CCDC85A: variants seen among roughly 807,000 people sequenced by gnomAD.
The protein encoded by CCDC85A is coiled-coil domain-containing protein 85A.
A neutral mutation model predicts 50.2 loss-of-function variants in CCDC85A; 38 were observed. The ratio of observed to expected loss-of-function variants is 0.76; its 90% confidence interval spans 0.58 to 0.99. The LOEUF (loss-of-function observed/expected upper bound fraction) is 0.99, where lower values mean the gene tolerates loss of function less well. Among genes scored for constraint, CCDC85A ranks in the 50% least tolerant of loss-of-function variants. CCDC85A has a pLI of 0.00. For missense variants in CCDC85A, 820 were observed against 742.0 expected, an observed-to-expected ratio of 1.11 and a Z score of -1.22; for synonymous variants, 366 against 301.4, an observed-to-expected ratio of 1.21 and a Z score of -2.22.
chr2:56,232,441 A>C (rs1439191019), intron 2 of CCDC85A, among the ~76,000 whole-genome samples: 3 of 152,188 alleles, frequency 2.0e-5, no homozygotes, highest in Non-Finnish European at 4.4e-5. Flanking sequence ...ATTCCCAAGT[A>C]TCAAGGGCAG....
chr2:56,195,083 A>C (rs554963048), intron 2 of CCDC85A, among the ~76,000 whole-genome samples: 21 of 152,332 alleles, frequency 1.4e-4, no homozygotes, highest in African/African-American at 5.1e-4. Flanking sequence ...AAATATGTGC[A>C]CCATTAAAAG....
intron 2 of CCDC85A, among the ~76,000 whole-genome samples, chr2:56,264,362 T>C (rs1250810066): frequency 6.6e-6 from 1 of 152,298 alleles, no homozygotes; most frequent in South Asian, 2.1e-4. Context: ...CCTGGCTGCC[T>C]GCCCTGTCTT....
At chr2:56,217,080 C>A (rs1354928072) in intron 2 of CCDC85A, among the ~76,000 whole-genome samples, 1 of 151,920 alleles carries the variant, frequency 6.6e-6, no homozygotes, top group African/African-American at 2.4e-5. Context: ...TGCTTTTCCT[C>A]TGTCAGACTC....
At position 56,342,974 on chromosome 2, in the gene CCDC85A, C is replaced by G. The variant is rs115422600; in HGVS notation, c.1317+19C>G. 1,846 of 1,545,044 alleles carry G rather than the reference C, an allele frequency of 1.2e-3. 22 individuals are homozygous for G. In the African/African-American group the frequency reaches 0.022, roughly 19 times the overall value. ...GCCCCAGGTGGGTGACTTCCAGAAGCTCATAGCTAGTCAGTGCCATTTAAG... is the reference window on the plus strand; with the variant it reads ...GCCCCAGGTGGGTGACTTCCAGAAGGTCATAGCTAGTCAGTGCCATTTAAG... On this transcript the variant is annotated intron_variant, in intron 3 of 5. Coordinates refer to ENST00000407595, the MANE Select transcript of CCDC85A (RefSeq NM_001080433.2).
In CCDC85A at chr2:56,275,574, G is replaced by A. The variant is rs181568244; in HGVS notation, c.1241-67305G>A. Among the ~76,000 whole-genome samples, 6 of 152,138 alleles carry A rather than the reference G, an allele frequency of 3.9e-5. No individual in the cohort carries two copies. The East Asian group carries it at 7.7e-4, about 20-fold the overall frequency. Reference sequence around the variant, plus strand: ...TGTCCACATTCTGTATTTACATCACGTGGCAAAGAGTGAAAAATGGAAATT... The same window carrying A: ...TGTCCACATTCTGTATTTACATCACATGGCAAAGAGTGAAAAATGGAAATT... On this transcript the variant is annotated intron_variant, in intron 2 of 5. Transcript: ENST00000407595.
Position 56,231,327 on chromosome 2 carries a change from A to G in CCDC85A, c.1240+37887A>G, listed in dbSNP as rs1234782946. ...TGCGGCCTTTTATAGAAAGTCTCTCAGGAGCCTGGCTCTTGCACAGCCTCT... is the reference window on the plus strand; with the variant it reads ...TGCGGCCTTTTATAGAAAGTCTCTCGGGAGCCTGGCTCTTGCACAGCCTCT... On this transcript the variant is annotated intron_variant, in intron 2 of 5. Coordinates refer to ENST00000407595, the MANE Select transcript of CCDC85A (RefSeq NM_001080433.2). 2.6e-5 allele frequency among the ~76,000 whole-genome samples: 4 copies of G among 152,368 alleles called. No individual in the cohort carries two copies. In the East Asian group the frequency reaches 7.7e-4, roughly 29 times the overall value.
At chr2:56,341,954 G>A (rs548520762) in intron 2 of CCDC85A, among the ~76,000 whole-genome samples, 1 of 150,796 alleles carries the variant, frequency 6.6e-6, no homozygotes, top group African/African-American at 2.4e-5. Flanking sequence ...GAAATAAAGA[G>A]AACTGGATGT....
chr2:56,345,674 T>C (rs1390183026), intron 3 of CCDC85A, among the ~76,000 whole-genome samples: 1 of 152,192 alleles, frequency 6.6e-6, no homozygotes, highest in East Asian at 1.9e-4. Context: ...GTCAGAACAG[T>C]GAGCATCATG....
At chr2:56,297,100 C>T (rs1420471488) in intron 2 of CCDC85A, among the ~76,000 whole-genome samples, 1 of 152,068 alleles carries the variant, frequency 6.6e-6, no homozygotes, top group Non-Finnish European at 1.5e-5. Context: ...GGAGTGTGCT[C>T]TCAGTGGGAT....
intron 2 of CCDC85A, among the ~76,000 whole-genome samples, chr2:56,342,049 T>C (rs975229323): frequency 8.5e-5 from 13 of 152,098 alleles, no homozygotes; most frequent in African/African-American, 2.9e-4. Context: ...TACAAAATAG[T>C]CTTGTATATG....
intron 2 of CCDC85A, among the ~76,000 whole-genome samples, chr2:56,301,739 A>G (rs1672213953): frequency 6.6e-6 from 1 of 152,150 alleles, no homozygotes; most frequent in Non-Finnish European, 1.5e-5. Context: ...GTTCTCACTC[A>G]TAAGTGGGAG....
At chr2:56,308,320 A>T (rs943138559) in intron 2 of CCDC85A, among the ~76,000 whole-genome samples, 3 of 152,192 alleles carry the variant, frequency 2.0e-5, no homozygotes, top group African/African-American at 4.8e-5. Flanking sequence ...AATGGAAGAC[A>T]GTGTTGGGGG....
chr2:56,193,166 A>G lies in CCDC85A; in HGVS notation c.966A>G (p.Ser322=). The change falls in exon 2 of 6, where the codon TCA becomes TCG. Residue 322 remains serine, a synonymous_variant. Transcript: ENST00000407595. The part of the protein sequence containing the change: ...GSPEHFQKHR[S]GSSPEHARHS... ...CGGAACACTTCCAGAAGCACCGGTCAGGGAGCAGCCCTGAACACGCCAGGC... is the reference window on the plus strand; with the variant it reads ...CGGAACACTTCCAGAAGCACCGGTCGGGGAGCAGCCCTGAACACGCCAGGC... 1 of 1,613,302 alleles carries G rather than the reference A, an allele frequency of 6.2e-7. No individual in the cohort carries two copies. Among genetic ancestry groups the G allele is most frequent in the Non-Finnish European group, 8.5e-7 (1 of 1,179,536 alleles).
chr2:56,343,744 T>G (rs1674490571), intron 3 of CCDC85A, among the ~76,000 whole-genome samples: 1 of 152,224 alleles, frequency 6.6e-6, no homozygotes, highest in Non-Finnish European at 1.5e-5. Context: ...TAGGGTTCTT[T>G]CTACATTCTG....
At chr2:56,228,148 A>T (rs958161784) in intron 2 of CCDC85A, among the ~76,000 whole-genome samples, 4 of 152,056 alleles carry the variant, frequency 2.6e-5, no homozygotes, top group Non-Finnish European at 4.4e-5. Context: ...GTCCAGCATT[A>T]TTTTCTGGCC....
At chr2:56,311,625 G>C (rs1573229903) in intron 2 of CCDC85A, among the ~76,000 whole-genome samples, 1 of 152,118 alleles carries the variant, frequency 6.6e-6, no homozygotes, top group East Asian at 1.9e-4. Context: ...TTGCAGTGGA[G>C]AGAAAGTAAC....
intron 2 of CCDC85A, among the ~76,000 whole-genome samples, chr2:56,269,862 C>T (rs1338993472): frequency 2.0e-5 from 3 of 152,066 alleles, no homozygotes; most frequent in Admixed American, 6.6e-5. Flanking sequence ...CGAAAAATAG[C>T]GCTATTATAT....
At chr2:56,287,845 A>T (rs895238271) in intron 2 of CCDC85A, among the ~76,000 whole-genome samples, 9 of 152,172 alleles carry the variant, frequency 5.9e-5, no homozygotes, top group African/African-American at 2.2e-4. Flanking sequence ...ATAAATGTGG[A>T]CTACTTTTGG....
intron 2 of CCDC85A, among the ~76,000 whole-genome samples, chr2:56,204,442 G>A (rs1434782765): frequency 6.6e-6 from 1 of 152,128 alleles, no homozygotes; most frequent in African/African-American, 2.4e-5. Context: ...ACACAGGTTT[G>A]TATGTTGATA....
Sources: allele counts gnomAD v4.1 joint callset (sites outside exome capture counted in the v4.1 genomes callset), GRCh38; gene constraint gnomAD v4.1.1; transcripts MANE v1.5; gene names NCBI Gene and HGNC (gene_info 2026-07-23, HGNC 2026-07-21).